Variants in GALNT12 observed in about 807,000 individuals in gnomAD.
GALNT12 encodes the protein polypeptide N-acetylgalactosaminyltransferase 12.
In GALNT12, 45 loss-of-function variants were observed where a neutral mutation model predicts 55.5. The observed-to-expected ratio is 0.81, with a 90% CI of 0.64 to 1.04. The LOEUF is 1.04. Among genes scored for constraint, GALNT12 ranks in the 50% least tolerant of loss-of-function variants. The pLI is 0.00. For synonymous variants in GALNT12, 304 were observed against 312.2 expected (o/e 0.97, Z 0.28); for missense variants, 709 against 754.8 (o/e 0.94, Z 0.71).
chr9:98,831,913 TG>T lies in GALNT12; in HGVS notation c.874del (p.Glu292ArgfsTer26), dbSNP rs1255307681. ...RLVFTWHTVP[E>X]RERIRMQSPV... ...TGGTGTTCACGTGGCACACAGTTCCTGAGAGGGAGAGGATACGGATGCAATC... is the reference window on the plus strand; with the variant it reads ...TGGTGTTCACGTGGCACACAGTTCCTAGAGGGAGAGGATACGGATGCAATC... On this transcript the variant is annotated frameshift_variant, in exon 4 of 10. Transcript: ENST00000375011. LOFTEE classifies it high-confidence loss of function. 5.0e-6 allele frequency: 8 copies of T among 1,613,988 alleles called. No individual in the cohort carries two copies. The highest frequency in any genetic ancestry group is 6.8e-6 in the Non-Finnish European group (8 of 1,180,016).
rs1588436220 is a variant in GALNT12 at position 98,807,869 on chromosome 9, C to T, written c.171C>T (p.Arg57=). The T allele has an allele frequency of 2.9e-6, 3 of 1,019,562 alleles. No homozygotes were observed. The highest frequency in any genetic ancestry group is 3.5e-6 in the Non-Finnish European group (3 of 854,352). The allele number at this position is 1,019,562 out of a possible 1,614,324, so 63.2% of individuals were successfully genotyped here. A position where few individuals can be genotyped will look rare whatever the true frequency, so the allele number is the denominator to read the frequency against. Residue 57 remains arginine (R), a synonymous_variant, in exon 1 of 10, where the codon CGC becomes CGT. Transcript: ENST00000375011. ...AAEPGPPRTP[R]PGRREPVMPR... Reference sequence around the variant, plus strand: ...AGCCGGGACCCCCGCGCACCCCGCGCCCCGGGCGGCGCGAGCCGGTCATGC... The same window carrying T: ...AGCCGGGACCCCCGCGCACCCCGCGTCCCGGGCGGCGCGAGCCGGTCATGC...
At chr9:98,840,420 C>G (rs1836259920) in intron 7 of GALNT12, among the ~76,000 whole-genome samples, 1 of 152,186 alleles carries the variant, frequency 6.6e-6, no homozygotes, top group African/African-American at 2.4e-5. Flanking sequence ...CTAGTTTTTA[C>G]CAACGCCTTA....
intron 1 of GALNT12, among the ~76,000 whole-genome samples, chr9:98,821,542 A>G (rs1050595227): frequency 2.4e-4 from 35 of 148,318 alleles, no homozygotes; most frequent in Non-Finnish European, 4.8e-4. Flanking sequence ...GGAGAATGGC[A>G]TGAACCCGGG....
At chr9:98,842,135 A>G (rs574349503) in intron 7 of GALNT12, among the ~76,000 whole-genome samples, 25 of 151,574 alleles carry the variant, frequency 1.6e-4, no homozygotes, top group African/African-American at 5.1e-4. Context: ...GTCATTGTAA[A>G]CTAATGGGTG....
At chr9:98,825,805 T>C (rs1369419064) in intron 2 of GALNT12, among the ~76,000 whole-genome samples, 1 of 151,836 alleles carries the variant, frequency 6.6e-6, no homozygotes, top group African/African-American at 2.4e-5. Context: ...GAAGACCCTA[T>C]GTCTACAAAA....
chr9:98,826,686 G>C lies in GALNT12; in HGVS notation c.542-66G>C, dbSNP rs911853557. 7.3e-6 allele frequency: 11 copies of C among 1,512,208 alleles called. No individual in the cohort carries two copies. The African/African-American group carries it at 1.2e-4, about 17-fold the overall frequency. 93.7% of individuals were successfully genotyped at this position (1,512,208 alleles called of 1,614,324 possible). ...GGGACAGGGAGGCCCAGAAGGCCCC[G>C]GGTTGGGATGAGGCGCTCCTCCGAG... On this transcript the variant is annotated intron_variant, in intron 2 of 9. Coordinates refer to ENST00000375011, the MANE Select transcript of GALNT12 (RefSeq NM_024642.5).
At position 98,837,051 on chromosome 9, in the gene GALNT12, C is replaced by G. The variant is rs1836170300; in HGVS notation, c.1115C>G (p.Ser372Cys). 6.2e-7 allele frequency: 1 copy of G among 1,614,198 alleles called. No individual in the cohort carries two copies. Among genetic ancestry groups the G allele is most frequent in the Middle Eastern group, 1.6e-4 (1 of 6,062 alleles). Reference protein sequence around the residue: ...GHVFPKQAPYSRNKALANSVR... With the variant: ...GHVFPKQAPYCRNKALANSVR... ...GTTTTCCCCAAGCAAGCTCCCTACTCCCGCAACAAGGCTCTGGCCAACAGT... is the reference window on the plus strand; with the variant it reads ...GTTTTCCCCAAGCAAGCTCCCTACTGCCGCAACAAGGCTCTGGCCAACAGT... Residue 372 changes from serine (S) to cysteine (C), a missense_variant, in exon 6 of 10, where the codon TCC becomes TGC. Around this residue, in one of 5 missense-constraint regions of GALNT12, gnomAD observed 262 missense variants for 310.7 expected, o/e 0.84. Coordinates refer to ENST00000375011, the MANE Select transcript of GALNT12 (RefSeq NM_024642.5).
intron 6 of GALNT12, 99 bp from the exon 7 acceptor site, chr9:98,839,903 A>C (rs190602513): frequency 3.4e-6 from 5 of 1,488,724 alleles, no homozygotes; most frequent in African/African-American, 1.4e-5. Flanking sequence ...TGCTCCATCA[A>C]AGCTGGCTGG....
At chr9:98,839,884 T>C in intron 6 of GALNT12, 118 bp from the exon 7 acceptor site, 6 of 1,243,504 alleles carry the variant, frequency 4.8e-6, no homozygotes, top group South Asian at 1.2e-5. Flanking sequence ...GGGCCTGGCA[T>C]GCGACGAATG....
rs771022378 is a variant in GALNT12, at chr9:98,831,732, C to A, written c.732-40C>A. On this transcript the variant is annotated intron_variant, in intron 3 of 9. Coordinates refer to ENST00000375011, the MANE Select transcript of GALNT12 (RefSeq NM_024642.5). ...TCCCAATTGTCTTCCTGCTGCCCGT[C>A]TGCATAGGAGAGACGGATGGATGTC... 5 of 1,612,912 alleles carry A rather than the reference C, an allele frequency of 3.1e-6. No individual in the cohort carries two copies. In the Middle Eastern group the frequency reaches 5.0e-4, roughly 160 times the overall value.
chr9:98,826,979 A>C, intron 3 of GALNT12, 38 bp downstream of exon 3: 1 of 1,547,210 alleles, frequency 6.5e-7, no homozygotes, highest in South Asian at 1.2e-5. Flanking sequence ...ACAGCATGTT[A>C]CCTGGAGTAG....
chr9:98,832,576 A>C (rs1485345587), intron 4 of GALNT12, among the ~76,000 whole-genome samples: 1 of 152,146 alleles, frequency 6.6e-6, no homozygotes, highest in African/African-American at 2.4e-5. Flanking sequence ...GAGCACATTC[A>C]CGGTATTGTG....
At chr9:98,819,294 G>C (rs1407409028) in intron 1 of GALNT12, among the ~76,000 whole-genome samples, 1 of 152,212 alleles carries the variant, frequency 6.6e-6, no homozygotes, top group Non-Finnish European at 1.5e-5. Flanking sequence ...CTTCTCTGGA[G>C]CACAAAGCCT....
At chr9:98,815,807 T>G (rs1474322190) in intron 1 of GALNT12, among the ~76,000 whole-genome samples, 1 of 152,268 alleles carries the variant, frequency 6.6e-6, no homozygotes, top group African/African-American at 2.4e-5. Context: ...GCATATTTCT[T>G]TCTATTGTTT....
chr9:98,822,406 C>A (rs959382162), intron 1 of GALNT12, among the ~76,000 whole-genome samples: 1 of 152,196 alleles, frequency 6.6e-6, no homozygotes, highest in African/African-American at 2.4e-5. Flanking sequence ...ACCAGGGAAC[C>A]TTCAGTTCAA....
In GALNT12 at chr9:98,831,800, T is replaced by C. The variant is rs750084638; in HGVS notation, c.760T>C (p.Cys254Arg). Residue 254 changes from cysteine (C) to arginine (R), a missense_variant, in exon 4 of 10, where the codon TGC (cysteine) becomes CGC (arginine). Transcript: ENST00000375011. ...CCATGAAGAGGAGTCGGCAGTGGTG[T>C]GCCCGGTGATTGATGTGATCGACTG... The part of the protein sequence containing the change: ...RIHEEESAVV[C>R]PVIDVIDWNT... 6.2e-7 allele frequency: 1 copy of C among 1,614,216 alleles called. No individual in the cohort carries two copies. Among genetic ancestry groups the C allele is most frequent in the South Asian group, 1.1e-5 (1 of 91,086 alleles).
intron 7 of GALNT12, among the ~76,000 whole-genome samples, chr9:98,841,921 G>C (rs553147901): frequency 2.8e-4 from 42 of 151,398 alleles, no homozygotes; most frequent in African/African-American, 9.5e-4. Context: ...CAGGTGATCT[G>C]CCTGCCTCAG....
At chr9:98,821,843 A>G (rs958768522) in intron 1 of GALNT12, among the ~76,000 whole-genome samples, 8 of 151,844 alleles carry the variant, frequency 5.3e-5, no homozygotes, top group Admixed American at 2.6e-4. Context: ...ATAGTTTCAA[A>G]GTTGTTCTCT....
At chr9:98,813,887 T>C (rs1232940714) in intron 1 of GALNT12, among the ~76,000 whole-genome samples, 2 of 152,226 alleles carry the variant, frequency 1.3e-5, no homozygotes, top group African/African-American at 4.8e-5. Context: ...GTCTTCCATG[T>C]TGCCAGAAGT....
Sources: gnomAD v4.1 joint callset for allele counts (sites outside exome capture counted in the v4.1 genomes callset) on GRCh38, gnomAD v4.1.1 for gene constraint, gnomAD v4.1.1 regional missense constraint, MANE v1.5 for transcripts, NCBI Gene and HGNC (gene_info 2026-07-23, HGNC 2026-07-21) for gene names.